The following ELAC2 variants were observed in gnomAD, a reference collection of about 807,000 sequenced individuals.
ELAC2 encodes zinc phosphodiesterase ELAC protein 2.
A neutral mutation model predicts 105.2 loss-of-function variants in ELAC2; 92 were observed. That is an observed-to-expected ratio of 0.87 (90% CI 0.74 to 1.04). ELAC2 has a LOEUF of 1.04. Among genes scored for constraint, ELAC2 ranks in the 50% least tolerant of loss-of-function variants. The pLI is 0.00. For synonymous variants in ELAC2, 468 were observed against 409.1 expected, an observed-to-expected ratio of 1.14 and a Z score of -1.74; for missense variants, 1,099 against 1,071.7, an observed-to-expected ratio of 1.03 and a Z score of -0.36.
chr17:12,998,181 T>C (rs951178758), intron 16 of ELAC2, among the ~76,000 whole-genome samples: 15 of 152,092 alleles, frequency 9.9e-5, no homozygotes, highest in African/African-American at 3.6e-4. Context: ...TAAAATCAGC[T>C]GTTTATTAAA....
At chr17:13,003,852 C>T in intron 11 of ELAC2, 1 of 462,502 alleles carries the variant, frequency 2.2e-6, no homozygotes, top group East Asian at 4.2e-5. Flanking sequence ...TTCCTTCCTA[C>T]CCTCTCCACT....
At chr17:13,006,306 T>C (rs1350686514) in intron 8 of ELAC2, 2 of 357,150 alleles carry the variant, frequency 5.6e-6, no homozygotes, top group African/African-American at 2.1e-5. Context: ...GAGGCGGATG[T>C]TGCAGTGAGC....
chr17:13,000,502 G>A, intron 14 of ELAC2: 1 of 568,400 alleles, frequency 1.8e-6, no homozygotes, highest in South Asian at 1.9e-5. Context: ...TGATGCTCAG[G>A]GCAAGACAGT....
rs1170784045 is a variant in ELAC2, at chr17:13,013,193, GCTTTCATACTCA to G, written c.559+2_559+13del. The G allele has an allele frequency of 6.2e-7, 1 of 1,614,074 alleles. No homozygotes were observed. The highest frequency in any genetic ancestry group is 1.1e-5 in the South Asian group (1 of 91,082). On this transcript the variant is annotated splice_donor_variant and splice_donor_5th_base_variant and intron_variant, in intron 6 of 23. Transcript: ENST00000338034. LOFTEE classifies it high-confidence loss of function. ...GTACACCCTCCTCCTGGGAAACCTGGCTTTCATACTCACTGTGTATGGGGATCTGGTAAACTG... is the reference window on the plus strand; with the variant it reads ...GTACACCCTCCTCCTGGGAAACCTGGCTGTGTATGGGGATCTGGTAAACTG...
rs779411148 is a variant in ELAC2 at position 12,992,022 on chromosome 17, G to GCAA, written c.*793_*795dup. ...GATCCTCACTCCTCTCAGTATGGAA[G>GCAA]CAACAACACAGCAAATCTATTGTCT... On this transcript the variant is annotated 3_prime_UTR_variant, in exon 24 of 24. Coordinates refer to ENST00000338034, the MANE Select transcript of ELAC2 (RefSeq NM_018127.7). Among the ~76,000 whole-genome samples, 2 of 152,178 alleles carry GCAA rather than the reference G, an allele frequency of 1.3e-5. No individual in the cohort carries two copies. The highest frequency in any genetic ancestry group is 4.8e-5 in the African/African-American group (2 of 41,444).
In ELAC2 at chr17:13,011,754, T is replaced by C. The variant is rs1467375573; in HGVS notation, c.588A>G (p.Pro196=). 5 of 1,614,172 alleles carry C rather than the reference T, an allele frequency of 3.1e-6. No homozygotes were observed. Among genetic ancestry groups the C allele is most frequent in the Admixed American group, 3.3e-5 (2 of 60,006 alleles). The change falls in exon 7 of 24, where the codon CCA becomes CCG. Residue 196 remains proline (P), a synonymous_variant. Coordinates refer to ENST00000338034, the MANE Select transcript of ELAC2 (RefSeq NM_018127.7). Reference sequence around the variant, plus strand: ...TGAGAGGCCTTTCTGGACTCTGCCATGGTTGGTGCTTTCCCCTCCTCTGTT... The same window carrying C: ...TGAGAGGCCTTTCTGGACTCTGCCACGGTTGGTGCTTTCCCCTCCTCTGTT... ...HSEQRRGKHQ[P]WQSPERPLSR... is the part of the protein sequence containing the mutation.
At chr17:12,995,679 G>A (rs1313679513) in intron 19 of ELAC2, 24 bp downstream of exon 19, 4 of 1,592,142 alleles carry the variant, frequency 2.5e-6, no homozygotes, top group East Asian at 2.3e-5. Flanking sequence ...CAGCCCAGCG[G>A]GCCAGGCTGC....
chr17:13,014,324 A>G (rs1897145160), intron 5 of ELAC2, 115 bp downstream of exon 5: 1 of 658,004 alleles, frequency 1.5e-6, no homozygotes, highest in Admixed American at 2.1e-5. Flanking sequence ...TCTCGTGGTG[A>G]TGAAGCATTT....
intron 16 of ELAC2, among the ~76,000 whole-genome samples, chr17:12,997,154 T>C (rs7216413): frequency 1.3e-5 from 2 of 152,138 alleles, no homozygotes; most frequent in African/African-American, 2.4e-5. Context: ...CAAAGACACC[T>C]GGTGCAGGGC....
At chr17:12,999,105 G>A (rs963381090) in intron 15 of ELAC2, among the ~76,000 whole-genome samples, 3 of 152,182 alleles carry the variant, frequency 2.0e-5, no homozygotes, top group African/African-American at 7.2e-5. Flanking sequence ...AAAGGACTTC[G>A]CACCAGTGTG....
In ELAC2 at chr17:13,017,849, G is replaced by A; in HGVS notation, c.99C>T (p.Arg33=). 6.4e-7 allele frequency: 1 copy of A among 1,573,192 alleles called. No homozygotes were observed. Among genetic ancestry groups the A allele is most frequent in the Non-Finnish European group, 8.6e-7 (1 of 1,161,362 alleles). ...SQAPARRERP[R]KDPLRHLRTR... The stretch of plus-strand genomic sequence containing the variant: ...TGCGCAGGTGCCGCAGCGGGTCCTT[G>A]CGCGGCCGCTCGCGGCGGGCGGGTG... Residue 33 remains arginine (R), a synonymous_variant, in exon 1 of 24, where the codon CGC becomes CGT. Transcript: ENST00000338034.
Position 13,017,079 on chromosome 17 carries a change from C to T in ELAC2, c.288G>A (p.Gln96=). ...GCAAGAGACTGACTCACTTGTGCTC[C>T]TGCATGAGTCTCTGAACGCCTTCTC... ...NCGEGVQRLM[Q]EHKLKVARLD... The change falls in exon 2 of 24, where the codon CAG becomes CAA. Residue 96 remains glutamine (Q), a synonymous_variant. Transcript: ENST00000338034. The T allele has an allele frequency of 6.2e-7, 1 of 1,614,092 alleles. No individual in the cohort carries two copies. The highest frequency in any genetic ancestry group is 8.5e-7 in the Non-Finnish European group (1 of 1,179,980).
intron 11 of ELAC2, 99 bp downstream of exon 11, chr17:13,004,888 AGT>A: frequency 1.0e-6 from 1 of 954,644 alleles, no homozygotes; most frequent in African/African-American, 1.6e-5. Flanking sequence ...AAACCCAGAT[AGT>A]GGTCTTCCCA....
In ELAC2 at chr17:13,017,744, C is replaced by T; in HGVS notation, c.204G>A (p.Arg68=). 1.2e-6 allele frequency: 2 copies of T among 1,611,892 alleles called. No individual in the cohort carries two copies. The highest frequency in any genetic ancestry group is 1.1e-5 in the South Asian group (1 of 90,906). ...VYLQVVAAGS[R]DSGAALYVFS... ...AGACGTAGAGCGCGGCGCCCGAGTCCCGGCTACCCGCTGCCACCACCTGCA... is the reference window on the plus strand; with the variant it reads ...AGACGTAGAGCGCGGCGCCCGAGTCTCGGCTACCCGCTGCCACCACCTGCA... Residue 68 remains arginine, a synonymous_variant, in exon 1 of 24, where the codon CGG becomes CGA. Transcript: ENST00000338034.
In ELAC2 at chr17:13,017,108, A is replaced by G. The variant is rs753052433; in HGVS notation, c.259T>C (p.Cys87Arg). Residue 87 changes from cysteine to arginine, a missense_variant, in exon 2 of 24, where the codon TGT becomes CGT. Transcript: ENST00000338034. ...FSEFNRYLFN[C>R]GEGVQRLMQE... ...ATGAGTCTCTGAACGCCTTCTCCAC[A>G]GTTGAAGAGATACCTACAAGACAAA... The G allele has an allele frequency of 2.2e-5, 35 of 1,613,896 alleles. No individual in the cohort carries two copies. The highest frequency in any genetic ancestry group is 2.7e-5 in the Non-Finnish European group (32 of 1,179,972).
At chr17:12,996,766 G>A in intron 16 of ELAC2, 81 bp from the exon 17 acceptor site, 2 of 1,564,032 alleles carry the variant, frequency 1.3e-6, no homozygotes, top group South Asian at 2.3e-5. Flanking sequence ...CTTTGGACAG[G>A]ACCAAGAAGC....
At chr17:13,004,329 A>G (rs771783996) in intron 11 of ELAC2, among the ~76,000 whole-genome samples, 2 of 152,192 alleles carry the variant, frequency 1.3e-5, no homozygotes, top group Non-Finnish European at 2.9e-5. Flanking sequence ...CAGCAGCCCA[A>G]AAGGATTTGT....
At chr17:13,012,350 C>T (rs2041462915) in intron 6 of ELAC2, among the ~76,000 whole-genome samples, 2 of 152,186 alleles carry the variant, frequency 1.3e-5, no homozygotes, top group African/African-American at 4.8e-5. Flanking sequence ...TGGAAATGGA[C>T]AACAAACAGG....
Position 12,999,946 on chromosome 17 carries a change from C to T in ELAC2, c.1423+210G>A, listed in dbSNP as rs140328209. Among the ~76,000 whole-genome samples, 420 of 152,294 alleles carry T rather than the reference C, an allele frequency of 2.8e-3. 13 individuals are homozygous for T. The highest frequency in any genetic ancestry group is 0.021 in the Admixed American group (321 of 15,294). ...TGCTGGGATTACAGGTGTGAGCCAC[C>T]GCGCCCAGCCAGGAATTGGGATTCT... On this transcript the variant is annotated intron_variant, in intron 15 of 23. Transcript: ENST00000338034.
Sources: allele counts gnomAD v4.1 joint callset (sites outside exome capture counted in the v4.1 genomes callset), GRCh38; gene constraint gnomAD v4.1.1; transcripts MANE v1.5; gene names NCBI Gene and HGNC (gene_info 2026-07-23, HGNC 2026-07-21).